The following RERE variants were observed in gnomAD, a reference collection of about 807,000 sequenced individuals.
The protein encoded by RERE is arginine-glutamic acid dipeptide repeats, also known as arginine-glutamic acid dipeptide repeats protein.
In RERE, 40 loss-of-function variants were observed where a neutral mutation model predicts 146.1. The ratio of observed to expected loss-of-function variants is 0.27; its 90% CI spans 0.21 to 0.36. The LOEUF (loss-of-function observed/expected upper bound fraction) is 0.36. RERE is among the 10% of genes least tolerant of loss of function. The probability of loss-of-function intolerance (pLI) is 1.00; values close to 1 mark genes in which losing one functional copy is unlikely to be tolerated. For missense variants in RERE, 1,933 were observed against 2,138.7 expected, an observed-to-expected ratio of 0.90 and a Z score of 1.90; for synonymous variants, 1,003 against 866.0, an observed-to-expected ratio of 1.16 and a Z score of -2.78.
intron 11 of RERE, among the ~76,000 whole-genome samples, chr1:8,434,306 C>T (rs1448823358): frequency 1.3e-5 from 2 of 152,136 alleles, no homozygotes; most frequent in East Asian, 1.9e-4. Flanking sequence ...CAGCTCAACA[C>T]ACCCTGCCAC....
intron 7 of RERE, among the ~76,000 whole-genome samples, chr1:8,516,227 G>GAAGAAAAAAAAAAA (rs1553178725): frequency 1.9e-5 from 1 of 52,302 alleles, no homozygotes; most frequent in Non-Finnish European, 3.3e-5. Flanking sequence ...TCTCTCAGAG[G>GAAGAAAAAAAAAAA]AAAAAAAAAA....
At chr1:8,412,612 A>G (rs993466021) in intron 12 of RERE, among the ~76,000 whole-genome samples, 2 of 152,220 alleles carry the variant, frequency 1.3e-5, no homozygotes, top group Admixed American at 6.5e-5. Context: ...ACAGTATTTT[A>G]TTCTTGACTG....
chr1:8,636,277 C>T (rs1009127200), intron 2 of RERE, among the ~76,000 whole-genome samples: 1 of 151,590 alleles, frequency 6.6e-6, no homozygotes, highest in African/African-American at 2.4e-5. Context: ...CGTAAGCCAC[C>T]GCACCCGGCC....
rs569182461 is a variant in RERE, at chr1:8,486,446, A to G, written c.1104+8617T>C. Among the ~76,000 whole-genome samples the G allele has an allele frequency of 1.9e-4, 29 of 152,352 alleles. No individual in the cohort carries two copies. In the South Asian group the frequency reaches 4.6e-3, roughly 24 times the overall value. On this transcript the variant is annotated intron_variant, in intron 10 of 22. Coordinates refer to ENST00000400908, the MANE Select transcript of RERE (RefSeq NM_001042681.2). Reference sequence around the variant, plus strand: ...TGGAAATTAAGGAATTTAGTACTAAATAATTCATGGGTCAAAGAAATCACC... The same window carrying G: ...TGGAAATTAAGGAATTTAGTACTAAGTAATTCATGGGTCAAAGAAATCACC...
chr1:8,380,470 T>A (rs1415967018), intron 12 of RERE, among the ~76,000 whole-genome samples: 3 of 151,728 alleles, frequency 2.0e-5, no homozygotes, highest in Admixed American at 6.6e-5. Context: ...TCCCTCAACC[T>A]CCTGAGCAGC....
At chr1:8,431,984 C>T (rs941115233) in intron 11 of RERE, among the ~76,000 whole-genome samples, 7 of 152,176 alleles carry the variant, frequency 4.6e-5, no homozygotes, top group African/African-American at 9.7e-5. Flanking sequence ...GCATGCTCCT[C>T]GGTTTTTGCA....
intron 3 of RERE, among the ~76,000 whole-genome samples, chr1:8,622,952 A>G (rs1646934144): frequency 6.6e-6 from 1 of 152,330 alleles, no homozygotes; most frequent in East Asian, 1.9e-4. Flanking sequence ...GGTGTTGGAA[A>G]TAAGAGCATT....
At chr1:8,766,588 G>A (rs1339807093) in intron 1 of RERE, among the ~76,000 whole-genome samples, 1 of 150,794 alleles carries the variant, frequency 6.6e-6, no homozygotes, top group Non-Finnish European at 1.5e-5. Context: ...GAGAGAGAGA[G>A]AGACAGTGGC....
chr1:8,686,458 A>G (rs1362274876), intron 1 of RERE, among the ~76,000 whole-genome samples: 1 of 152,226 alleles, frequency 6.6e-6, no homozygotes, highest in Non-Finnish European at 1.5e-5. Flanking sequence ...AGCAATAAAA[A>G]TAAAGATGTA....
intron 1 of RERE, among the ~76,000 whole-genome samples, chr1:8,800,325 T>A (rs951616118): frequency 6.6e-6 from 1 of 152,010 alleles, no homozygotes; most frequent in Non-Finnish European, 1.5e-5. Context: ...AAGAGTAAAT[T>A]TTATAGCATG....
intron 10 of RERE, among the ~76,000 whole-genome samples, chr1:8,480,376 G>T (rs1570309792): frequency 6.6e-6 from 1 of 150,654 alleles, no homozygotes; most frequent in Non-Finnish European, 1.5e-5. Context: ...TTGATGTCGT[G>T]ATCCGCCCGC....
intron 12 of RERE, among the ~76,000 whole-genome samples, chr1:8,409,971 A>ATTTTT (rs57424627): frequency 8.4e-5 from 8 of 95,386 alleles, no homozygotes; most frequent in Non-Finnish European, 1.2e-4. Flanking sequence ...CAATCAGGCA[A>ATTTTT]TTTTTTTTTT....
At chr1:8,733,021 C>T (rs1640123626) in intron 1 of RERE, among the ~76,000 whole-genome samples, 1 of 151,738 alleles carries the variant, frequency 6.6e-6, no homozygotes, top group South Asian at 2.1e-4. Flanking sequence ...CGGGGTTTCA[C>T]CGTGTTAGCC....
At chr1:8,433,253 T>C (rs1314767330) in intron 11 of RERE, among the ~76,000 whole-genome samples, 1 of 152,178 alleles carries the variant, frequency 6.6e-6, no homozygotes, top group Non-Finnish European at 1.5e-5. Flanking sequence ...CTCTTAACAA[T>C]GGAACAGTCG....
chr1:8,506,845 G>C (rs996696243), intron 8 of RERE, among the ~76,000 whole-genome samples: 1 of 152,156 alleles, frequency 6.6e-6, no homozygotes, highest in Non-Finnish European at 1.5e-5. Flanking sequence ...ACTGAGAAAG[G>C]ATAAAATATA....
At chr1:8,732,808 C>CTTTTTTTTTTTTTTT (rs59337140) in intron 1 of RERE, among the ~76,000 whole-genome samples, 5 of 65,728 alleles carry the variant, frequency 7.6e-5, no homozygotes, top group South Asian at 8.2e-4. Flanking sequence ...TTCAATTTTT[C>CTTTTTTTTTTTTTTT]TTTTTTTTTT....
chr1:8,392,460 A>T (rs1294837471), intron 12 of RERE, among the ~76,000 whole-genome samples: 1 of 152,218 alleles, frequency 6.6e-6, no homozygotes, highest in Non-Finnish European at 1.5e-5. Flanking sequence ...AAACAAACTT[A>T]GCCAAAACTT....
chr1:8,413,343 GTTTT>G (rs559536038), intron 12 of RERE, among the ~76,000 whole-genome samples: 151 of 152,260 alleles, frequency 9.9e-4, no homozygotes, highest in Admixed American at 3.7e-3. Context: ...TTTTAATTTT[GTTTT>G]TTGTTGTTGT....
At chr1:8,748,424 T>C (rs934922240) in intron 1 of RERE, among the ~76,000 whole-genome samples, 3 of 152,168 alleles carry the variant, frequency 2.0e-5, no homozygotes, top group Non-Finnish European at 4.4e-5. Context: ...GTTACCACAA[T>C]AGGCTCACAG....
Sources: gnomAD v4.1 joint callset for allele counts (sites outside exome capture counted in the v4.1 genomes callset) on GRCh38, gnomAD v4.1.1 for gene constraint, MANE v1.5 for transcripts, NCBI Gene and HGNC (gene_info 2026-07-23, HGNC 2026-07-21) for gene names.